NKAIN3: variants seen among roughly 807,000 people sequenced by gnomAD.
NKAIN3 encodes sodium/potassium transporting ATPase interacting 3, also known as sodium/potassium-transporting ATPase subunit beta-1-interacting protein 3.
NKAIN3 carries 25 observed loss-of-function variants against 30.2 expected under a neutral mutation model. The ratio of observed to expected loss-of-function variants is 0.83; its 90% confidence interval spans 0.60 to 1.16. The LOEUF (loss-of-function observed/expected upper bound fraction) is 1.16, where lower values mean the gene tolerates loss of function less well. NKAIN3 is among the 50% of genes most tolerant of loss of function. The pLI, the probability that NKAIN3 is intolerant of heterozygous loss-of-function variation, is 0.00. For synonymous variants in NKAIN3, 91 were observed against 89.6 expected (o/e 1.02, Z -0.09); for missense variants, 225 against 254.1 (o/e 0.89, Z 0.78).
intron 3 of NKAIN3, among the ~76,000 whole-genome samples, chr8:62,638,516 G>A (rs1289481922): frequency 6.6e-6 from 1 of 152,140 alleles, no homozygotes; most frequent in African/African-American, 2.4e-5. Context: ...GGCAACTTGT[G>A]ATTGAAACGT....
At chr8:62,849,043 G>A (rs1188667659) in intron 4 of NKAIN3, among the ~76,000 whole-genome samples, 1 of 152,110 alleles carries the variant, frequency 6.6e-6, no homozygotes, top group Non-Finnish European at 1.5e-5. Context: ...GCTTTTTGAT[G>A]TGCTACTGGA....
At chr8:62,309,390 A>G (rs1442951873) in intron 1 of NKAIN3, among the ~76,000 whole-genome samples, 1 of 150,654 alleles carries the variant, frequency 6.6e-6, no homozygotes, top group East Asian at 1.9e-4. Flanking sequence ...TATTTTGATA[A>G]TGCACATACA....
At chr8:62,822,566 C>G (rs1489241475) in intron 4 of NKAIN3, among the ~76,000 whole-genome samples, 1 of 152,094 alleles carries the variant, frequency 6.6e-6, no homozygotes, top group Non-Finnish European at 1.5e-5. Flanking sequence ...TGTTTGAACC[C>G]AGTTTGGAAC....
intron 1 of NKAIN3, among the ~76,000 whole-genome samples, chr8:62,288,769 G>T (rs539528704): frequency 2.0e-5 from 3 of 152,266 alleles, no homozygotes; most frequent in African/African-American, 7.2e-5. Context: ...TAATAGGATG[G>T]CTGGGTCAAA....
At chr8:62,284,004 A>G (rs1245993457) in intron 1 of NKAIN3, among the ~76,000 whole-genome samples, 6 of 152,172 alleles carry the variant, frequency 3.9e-5, no homozygotes, top group Non-Finnish European at 5.9e-5. Flanking sequence ...GTGCATGGAA[A>G]AACTGAAATG....
At chr8:62,454,896 G>C (rs1242720645) in intron 1 of NKAIN3, among the ~76,000 whole-genome samples, 1 of 152,196 alleles carries the variant, frequency 6.6e-6, no homozygotes, top group Non-Finnish European at 1.5e-5. Context: ...AACTTTTTCT[G>C]TCCTGAAAGC....
chr8:62,426,148 A>G (rs1348159550), intron 1 of NKAIN3, among the ~76,000 whole-genome samples: 2 of 151,976 alleles, frequency 1.3e-5, no homozygotes, highest in African/African-American at 2.4e-5. Flanking sequence ...TTGGGAGTCT[A>G]TATTAAAAAT....
chr8:62,456,003 T>C (rs1373860427), intron 1 of NKAIN3, among the ~76,000 whole-genome samples: 3 of 152,198 alleles, frequency 2.0e-5, no homozygotes, highest in Non-Finnish European at 4.4e-5. Context: ...CTGTGCAGAT[T>C]AAGTATGCTG....
intron 3 of NKAIN3, among the ~76,000 whole-genome samples, chr8:62,663,276 T>G (rs1271431247): frequency 6.6e-6 from 1 of 152,208 alleles, no homozygotes; most frequent in Admixed American, 6.5e-5. Context: ...TGGCCTGTTA[T>G]TTAAAATACA....
At chr8:62,796,493 C>T (rs1251733669) in intron 4 of NKAIN3, among the ~76,000 whole-genome samples, 1 of 151,642 alleles carries the variant, frequency 6.6e-6, no homozygotes, top group African/African-American at 2.4e-5. Flanking sequence ...ATTACACTGC[C>T]CAAATGCACA....
intron 5 of NKAIN3, among the ~76,000 whole-genome samples, chr8:62,949,567 GAAGATTTGAAAGGACTGCAA>G (rs1823223541): frequency 1.3e-5 from 2 of 152,172 alleles, no homozygotes; most frequent in South Asian, 4.1e-4. Context: ...GGCACAGGAA[GAAGATTTGAAAGGACTGCAA>G]AAGGGTTTCC....
Position 62,418,946 on chromosome 8 carries a change from C to A in NKAIN3, c.55-160593C>A, listed in dbSNP as rs181727872. 3.3e-5 allele frequency among the ~76,000 whole-genome samples: 5 copies of A among 152,230 alleles called. No individual in the cohort carries two copies. In the East Asian group the frequency reaches 5.8e-4, roughly 18 times the overall value. ...CCCTTAATATGTTCTCTAGCAGAAG[C>A]ATTTCTCTCCTGGGATACAGGATCT... On this transcript the variant is annotated intron_variant, in intron 1 of 6. Coordinates refer to ENST00000623646, the MANE Select transcript of NKAIN3 (RefSeq NM_001304533.3).
At position 62,305,954 on chromosome 8, in the gene NKAIN3, A is replaced by G. The variant is rs541827805; in HGVS notation, c.54+56827A>G. 2.7e-5 allele frequency among the ~76,000 whole-genome samples: 4 copies of G among 150,658 alleles called. No homozygotes were observed. In the South Asian group the frequency reaches 6.2e-4, roughly 23 times the overall value. On this transcript the variant is annotated intron_variant, in intron 1 of 6. Transcript: ENST00000623646. ...CCTGTTGGCCAGCATTCAGTGGGGC[A>G]CAAAAGAACATAGTGTAGGCATGGG...
chr8:62,771,592 T>C (rs897941626), intron 4 of NKAIN3, among the ~76,000 whole-genome samples: 1 of 151,828 alleles, frequency 6.6e-6, no homozygotes, highest in Non-Finnish European at 1.5e-5. Context: ...AGAGAGTAAG[T>C]AGCAAAAATA....
intron 1 of NKAIN3, among the ~76,000 whole-genome samples, chr8:62,276,668 T>C (rs1298780504): frequency 1.3e-5 from 2 of 152,200 alleles, no homozygotes; most frequent in Non-Finnish European, 2.9e-5. Context: ...ATCTATCTTT[T>C]TCAAGATAGA....
At chr8:62,249,264 C>T (rs1812006707) in intron 1 of NKAIN3, 137 bp downstream of exon 1, 7 of 734,412 alleles carry the variant, frequency 9.5e-6, no homozygotes, top group Non-Finnish European at 1.5e-5. Context: ...CCCACCCTCC[C>T]CACCGCCTGG....
intron 1 of NKAIN3, among the ~76,000 whole-genome samples, chr8:62,447,023 G>A (rs998654691): frequency 6.6e-6 from 1 of 152,002 alleles, no homozygotes; most frequent in South Asian, 2.1e-4. Context: ...CTAATACTTG[G>A]TGTTAACTGG....
chr8:62,950,736 C>A (rs1396883882), intron 5 of NKAIN3, among the ~76,000 whole-genome samples: 1 of 152,078 alleles, frequency 6.6e-6, no homozygotes, highest in South Asian at 2.1e-4. Context: ...ACCAGATGTC[C>A]TAATTTGGTT....
At chr8:62,543,774 C>G (rs561029549) in intron 1 of NKAIN3, among the ~76,000 whole-genome samples, 1 of 152,160 alleles carries the variant, frequency 6.6e-6, no homozygotes, top group Non-Finnish European at 1.5e-5. Context: ...ATGTAATTCT[C>G]TTCCACTGTT....
Sources: allele counts gnomAD v4.1 joint callset (sites outside exome capture counted in the v4.1 genomes callset), GRCh38; gene constraint gnomAD v4.1.1; transcripts MANE v1.5; gene names NCBI Gene and HGNC (gene_info 2026-07-23, HGNC 2026-07-21).